Variants in MTUS2 observed in about 807,000 individuals in gnomAD.
MTUS2 encodes microtubule-associated tumor suppressor candidate 2.
MTUS2 carries 40 observed loss-of-function variants against 114.1 expected under a neutral mutation model. That is an observed-to-expected ratio of 0.35 (90% confidence interval 0.27 to 0.46). The LOEUF (loss-of-function observed/expected upper bound fraction) is 0.46. Among genes scored for constraint, MTUS2 ranks in the 20% least tolerant of loss-of-function variants. The pLI is 1.00. For synonymous variants in MTUS2, 688 were observed against 672.0 expected (o/e 1.02, Z -0.37); for missense variants, 1,679 against 1,705.4 (o/e 0.98, Z 0.27).
intron 7 of MTUS2, among the ~76,000 whole-genome samples, chr13:29,356,140 A>G (rs1258351153): frequency 6.6e-6 from 1 of 152,106 alleles, no homozygotes; most frequent in Non-Finnish European, 1.5e-5. Flanking sequence ...GGTGATGACA[A>G]AACACTCCTA....
chr13:29,030,633 G>A (rs1886772983), intron 3 of MTUS2, among the ~76,000 whole-genome samples: 2 of 152,148 alleles, frequency 1.3e-5, no homozygotes, highest in South Asian at 4.1e-4. Context: ...TGTGCCCCAA[G>A]CTCATCATGG....
intron 2 of MTUS2, among the ~76,000 whole-genome samples, chr13:28,931,062 T>C (rs912533849): frequency 2.0e-5 from 3 of 152,170 alleles, no homozygotes; most frequent in East Asian, 1.9e-4. Context: ...GATTGAATCA[T>C]TGAGCCTAGT....
At chr13:28,855,001 C>T (rs1028855809) in intron 2 of MTUS2, among the ~76,000 whole-genome samples, 3 of 152,136 alleles carry the variant, frequency 2.0e-5, no homozygotes, top group African/African-American at 7.2e-5. Flanking sequence ...CCTTACTTAT[C>T]TTGGTGTTTC....
At chr13:29,121,276 G>C (rs967786654) in intron 5 of MTUS2, among the ~76,000 whole-genome samples, 1 of 152,148 alleles carries the variant, frequency 6.6e-6, no homozygotes, top group Non-Finnish European at 1.5e-5. Flanking sequence ...TTAATTAAGA[G>C]CCCATTGCTT....
At chr13:29,433,452 A>G (rs1678678117) in intron 8 of MTUS2, among the ~76,000 whole-genome samples, 1 of 152,198 alleles carries the variant, frequency 6.6e-6, no homozygotes. Context: ...CCTAGTGTTA[A>G]TTATATGTGG....
At chr13:28,824,950 A>G (rs1006528370) in intron 1 of MTUS2, among the ~76,000 whole-genome samples, 15 of 152,254 alleles carry the variant, frequency 9.9e-5, no homozygotes, top group Non-Finnish European at 1.8e-4. Context: ...CTGAAAGGAG[A>G]TGTTGAGCAG....
chr13:29,124,296 T>C (rs552378169), intron 5 of MTUS2, among the ~76,000 whole-genome samples: 2 of 152,214 alleles, frequency 1.3e-5, no homozygotes, highest in Non-Finnish European at 2.9e-5. Flanking sequence ...CATTACAATA[T>C]AGTGTAATTT....
intron 5 of MTUS2, among the ~76,000 whole-genome samples, chr13:29,141,961 A>C (rs1171416520): frequency 6.7e-6 from 1 of 150,252 alleles, no homozygotes; most frequent in Non-Finnish European, 1.5e-5. Flanking sequence ...CCAGGTTCAC[A>C]CCATTCTACT....
chr13:29,073,723 A>G (rs1889051491), intron 4 of MTUS2, among the ~76,000 whole-genome samples: 1 of 151,984 alleles, frequency 6.6e-6, no homozygotes, highest in South Asian at 2.1e-4. Flanking sequence ...ACGGGGAGTA[A>G]CCCTACAGGC....
chr13:29,406,669 T>C (rs954874607), intron 8 of MTUS2, among the ~76,000 whole-genome samples: 2 of 152,232 alleles, frequency 1.3e-5, no homozygotes. Flanking sequence ...ACAGGTGTAA[T>C]ATCAGAAGAT....
intron 8 of MTUS2, among the ~76,000 whole-genome samples, chr13:29,418,419 T>A (rs776423671): frequency 6.6e-6 from 1 of 152,174 alleles, no homozygotes; most frequent in Non-Finnish European, 1.5e-5. Flanking sequence ...TGGTTAAGGT[T>A]AGACTTTGTT....
At chr13:29,295,226 G>A (rs941460792) in intron 6 of MTUS2, among the ~76,000 whole-genome samples, 1 of 151,934 alleles carries the variant, frequency 6.6e-6, no homozygotes, top group Non-Finnish European at 1.5e-5. Flanking sequence ...TCAAATCAGA[G>A]TAGTGTATTA....
chr13:28,991,709 G>A (rs186820761), intron 2 of MTUS2, among the ~76,000 whole-genome samples: 116 of 152,262 alleles, frequency 7.6e-4, no homozygotes, highest in African/African-American at 2.6e-3. Flanking sequence ...TTTAGACTGT[G>A]AGCCTTTTTC....
At chr13:28,943,726 T>C (rs1421355786) in intron 2 of MTUS2, among the ~76,000 whole-genome samples, 2 of 152,140 alleles carry the variant, frequency 1.3e-5, no homozygotes, top group Non-Finnish European at 2.9e-5. Context: ...TTGACTCAGC[T>C]GGAGATTGTA....
intron 6 of MTUS2, chr13:29,307,011 G>A (rs1250710980): frequency 5.6e-6 from 3 of 535,002 alleles, no homozygotes; most frequent in Admixed American, 1.9e-5. Context: ...CCATCTTCCA[G>A]GAGCGAGATC....
intron 4 of MTUS2, among the ~76,000 whole-genome samples, chr13:29,069,156 A>T (rs1270498858): frequency 6.6e-6 from 1 of 152,192 alleles, no homozygotes; most frequent in Non-Finnish European, 1.5e-5. Context: ...AGCAGAACCA[A>T]TATGAAATAA....
intron 2 of MTUS2, among the ~76,000 whole-genome samples, chr13:29,020,996 G>C (rs1198948472): frequency 1.3e-5 from 2 of 152,232 alleles, no homozygotes; most frequent in Non-Finnish European, 2.9e-5. Flanking sequence ...GCCAGGTGCT[G>C]TGACTCATGC....
chr13:29,114,952 C>G (rs555657119), intron 5 of MTUS2, among the ~76,000 whole-genome samples: 2 of 152,320 alleles, frequency 1.3e-5, no homozygotes, highest in South Asian at 4.1e-4. Flanking sequence ...ACACATCTTA[C>G]CCCCATGAAT....
intron 8 of MTUS2, among the ~76,000 whole-genome samples, chr13:29,438,089 C>T (rs1180895287): frequency 6.6e-6 from 1 of 152,080 alleles, no homozygotes; most frequent in Non-Finnish European, 1.5e-5. Flanking sequence ...TAACAACTTA[C>T]ACTTGTATGA....
Sources: allele counts gnomAD v4.1 joint callset (sites outside exome capture counted in the v4.1 genomes callset), GRCh38; gene constraint gnomAD v4.1.1; transcripts MANE v1.5; gene names NCBI Gene and HGNC (gene_info 2026-07-23, HGNC 2026-07-21).